The following VAT1L variants were observed in gnomAD, a reference collection of about 807,000 sequenced individuals.
VAT1L encodes the protein vesicle amine transport 1 like, also known as putative NADPH-dependent quinone oxidoreductase VAT1L.
A neutral mutation model predicts 44.1 loss-of-function variants in VAT1L; 34 were observed. The ratio of observed to expected loss-of-function variants is 0.77; its 90% CI spans 0.59 to 1.03. VAT1L has a LOEUF of 1.03. VAT1L is among the 50% of genes least tolerant of loss of function. VAT1L has a pLI of 0.00. For synonymous variants in VAT1L, 253 were observed against 202.2 expected, an observed-to-expected ratio of 1.25 and a Z score of -2.13; for missense variants, 615 against 538.8, an observed-to-expected ratio of 1.14 and a Z score of -1.40.
At chr16:77,872,820 C>A (rs752029082) in intron 4 of VAT1L, among the ~76,000 whole-genome samples, 4 of 152,210 alleles carry the variant, frequency 2.6e-5, no homozygotes, top group Non-Finnish European at 5.9e-5. Flanking sequence ...AAACTTCTGC[C>A]TTCTCTGTGT....
At chr16:77,975,152 C>T (rs1232468601) in intron 8 of VAT1L, among the ~76,000 whole-genome samples, 1 of 134,834 alleles carries the variant, frequency 7.4e-6, no homozygotes, top group African/African-American at 2.8e-5. Flanking sequence ...GAGGAGGGGA[C>T]AGAGGCGCCT....
rs1250105275 is a variant in VAT1L, at chr16:77,879,692, C to A, written c.882+468C>A. 1.3e-5 allele frequency among the ~76,000 whole-genome samples: 2 copies of A among 152,174 alleles called. No homozygotes were observed. On this transcript the variant is annotated intron_variant, in intron 6 of 8. Coordinates refer to ENST00000302536, the MANE Select transcript of VAT1L (RefSeq NM_020927.3). The surrounding 1 kb of genome is among the most constrained non-coding windows in gnomAD (Gnocchi z 4.1). ...CCCTATTCCCTGCAAATGGTCAGGA[C>A]CAGAATTTAGACTACTTTTGTCTAA...
chr16:77,927,556 G>A (rs548240187), intron 7 of VAT1L, among the ~76,000 whole-genome samples: 11 of 152,008 alleles, frequency 7.2e-5, no homozygotes, highest in South Asian at 6.2e-4. Flanking sequence ...GCATCAGGCC[G>A]CCTGTCCTGA....
intron 1 of VAT1L, chr16:77,801,176 C>G (rs1376843990): frequency 1.4e-5 from 2 of 142,528 alleles, no homozygotes; most frequent in South Asian, 2.5e-4. Flanking sequence ...AAGCTCTATG[C>G]TAAGTGTTCT....
At chr16:77,808,100 G>T (rs759662367) in intron 1 of VAT1L, among the ~76,000 whole-genome samples, 67 of 152,026 alleles carry the variant, frequency 4.4e-4, no homozygotes, top group Non-Finnish European at 8.4e-4. Context: ...GGTAATTGGT[G>T]GGCAAGGAAG....
At chr16:77,966,418 T>G (rs1200761240) in intron 7 of VAT1L, among the ~76,000 whole-genome samples, 2 of 151,844 alleles carry the variant, frequency 1.3e-5, no homozygotes, top group African/African-American at 4.8e-5. Flanking sequence ...CCAAGGTAGC[T>G]CAGGACCAGG....
intron 1 of VAT1L, among the ~76,000 whole-genome samples, chr16:77,790,476 G>A (rs2015813686): frequency 6.6e-6 from 1 of 152,272 alleles, no homozygotes; most frequent in Non-Finnish European, 1.5e-5. Context: ...ATGGATTGAG[G>A]AAAGAGCTCG....
chr16:77,891,179 C>T (rs1221134746), intron 7 of VAT1L, among the ~76,000 whole-genome samples: 1 of 151,918 alleles, frequency 6.6e-6, no homozygotes, highest in Non-Finnish European at 1.5e-5. Flanking sequence ...ACGGTGAAAC[C>T]CCGTCACTAC....
chr16:77,957,175 G>A (rs914518429), intron 7 of VAT1L, among the ~76,000 whole-genome samples: 5 of 152,112 alleles, frequency 3.3e-5, no homozygotes, highest in Non-Finnish European at 7.4e-5. Flanking sequence ...GAACTTTCAA[G>A]GTTTTGAAGG....
intron 7 of VAT1L, among the ~76,000 whole-genome samples, chr16:77,968,427 A>G (rs636302): frequency 0.99 from 151,215 of 152,316 alleles, 75,073 homozygotes; most frequent in Middle Eastern, 1. Context: ...TTAAATGAAG[A>G]ATAAAAAAAG....
intron 1 of VAT1L, among the ~76,000 whole-genome samples, chr16:77,805,939 T>C (rs2016150799): frequency 7.0e-6 from 1 of 142,956 alleles, no homozygotes; most frequent in Non-Finnish European, 1.5e-5. Context: ...CTCAGATCAC[T>C]GCAACCACCA....
intron 7 of VAT1L, among the ~76,000 whole-genome samples, chr16:77,964,788 T>A: frequency 3.8e-5 from 1 of 25,982 alleles, no homozygotes; most frequent in South Asian, 3.3e-3. Context: ...ACTTTTTTTT[T>A]TTTTTTTTTT....
At chr16:77,957,702 C>T (rs1021750899) in intron 7 of VAT1L, among the ~76,000 whole-genome samples, 4 of 150,342 alleles carry the variant, frequency 2.7e-5, no homozygotes, top group Admixed American at 6.6e-5. Flanking sequence ...TCCAGCCTGG[C>T]GACAGAACGA....
At chr16:77,959,089 A>G (rs975905711) in intron 7 of VAT1L, among the ~76,000 whole-genome samples, 1 of 152,174 alleles carries the variant, frequency 6.6e-6, no homozygotes. Flanking sequence ...GACTCAGAGA[A>G]TGGCCACCTC....
At chr16:77,845,624 C>A (rs2016750877) in intron 3 of VAT1L, among the ~76,000 whole-genome samples, 1 of 152,018 alleles carries the variant, frequency 6.6e-6, no homozygotes. Context: ...AACACAAACA[C>A]CTCTCCTCAT....
intron 7 of VAT1L, among the ~76,000 whole-genome samples, chr16:77,970,048 T>A (rs1373925857): frequency 1.8e-4 from 12 of 66,350 alleles, no homozygotes; most frequent in African/African-American, 6.2e-4. Flanking sequence ...ACCACATCTC[T>A]ACTAAAAAAA....
At chr16:77,857,662 ATAG>A (rs1034133820) in intron 3 of VAT1L, among the ~76,000 whole-genome samples, 17 of 150,298 alleles carry the variant, frequency 1.1e-4, no homozygotes, top group African/African-American at 4.1e-4. Flanking sequence ...TATTAAATAG[ATAG>A]TATATATTAT....
At chr16:77,935,065 C>G (rs1330940716) in intron 7 of VAT1L, among the ~76,000 whole-genome samples, 1 of 152,138 alleles carries the variant, frequency 6.6e-6, no homozygotes, top group Non-Finnish European at 1.5e-5. Context: ...TTGGGCAGGT[C>G]TCTTCTGTCT....
chr16:77,791,213 C>A (rs1290085048), intron 1 of VAT1L, among the ~76,000 whole-genome samples: 1 of 152,202 alleles, frequency 6.6e-6, no homozygotes. Flanking sequence ...CAGGATGACT[C>A]ATTCTGTATT....
Sources: gnomAD v4.1 joint callset for allele counts (sites outside exome capture counted in the v4.1 genomes callset) on GRCh38, gnomAD v4.1.1 for gene constraint, Gnocchi (gnomAD v3.1) non-coding constraint, MANE v1.5 for transcripts, NCBI Gene and HGNC (gene_info 2026-07-23, HGNC 2026-07-21) for gene names.